CMTM4: variants seen among roughly 807,000 people sequenced by gnomAD.
The protein encoded by CMTM4 is CKLF-like MARVEL transmembrane domain-containing protein 4.
A neutral mutation model predicts 19.0 loss-of-function variants in CMTM4; 8 were observed. The ratio of observed to expected loss-of-function variants is 0.42; its 90% CI spans 0.25 to 0.76. The LOEUF (loss-of-function observed/expected upper bound fraction) is 0.76. Ranked by LOEUF, CMTM4 falls within the 30% of genes least tolerant of loss-of-function variation. The pLI is 0.27. For synonymous variants in CMTM4, 106 were observed against 121.1 expected (o/e 0.88, Z 0.82); for missense variants, 228 against 290.2 (o/e 0.79, Z 1.56).
At chr16:66,681,544 T>G (rs1044596782) in intron 1 of CMTM4, among the ~76,000 whole-genome samples, 2 of 152,160 alleles carry the variant, frequency 1.3e-5, no homozygotes, top group Non-Finnish European at 2.9e-5. Context: ...GACCTTGGGA[T>G]CCACCCGTCT....
chr16:66,602,940 T>C, the CMTM4 span, among the ~76,000 whole-genome samples: 3 of 152,344 alleles, frequency 2.0e-5, no homozygotes, highest in African/African-American at 7.2e-5. Flanking sequence ...TTGCAAACCA[T>C]ATATAATAGT....
chr16:66,690,284 C>G (rs1216106844), intron 1 of CMTM4, among the ~76,000 whole-genome samples: 1 of 152,154 alleles, frequency 6.6e-6, no homozygotes, highest in Non-Finnish European at 1.5e-5. Context: ...AACGCAGAAC[C>G]CTTCACGGTT....
At chr16:66,668,765 T>C (rs925495773) in intron 1 of CMTM4, among the ~76,000 whole-genome samples, 3 of 152,184 alleles carry the variant, frequency 2.0e-5, no homozygotes, top group Admixed American at 2.0e-4. Flanking sequence ...TTCTTTATAT[T>C]ATTCCTAATA....
At chr16:66,654,662 C>T (rs867408365) in intron 1 of CMTM4, among the ~76,000 whole-genome samples, 17 of 152,184 alleles carry the variant, frequency 1.1e-4, no homozygotes, top group Admixed American at 2.6e-4. Context: ...GGCCCTGGCC[C>T]GTGATCCCAG....
At chr16:66,689,413 GGTTTT>G (rs1262895341) in intron 1 of CMTM4, among the ~76,000 whole-genome samples, 8 of 152,034 alleles carry the variant, frequency 5.3e-5, no homozygotes, top group Non-Finnish European at 7.4e-5. Context: ...TGTGGCTTTG[GGTTTT>G]GTTTTGTTTT....
chr16:66,606,118 C>A, the CMTM4 span, among the ~76,000 whole-genome samples: 21 of 151,032 alleles, frequency 1.4e-4, no homozygotes, highest in South Asian at 1.1e-3. Flanking sequence ...TGTCAGGAAT[C>A]CAGGTCAGGG....
intron 1 of CMTM4, among the ~76,000 whole-genome samples, chr16:66,665,423 G>GA (rs1285245959): frequency 6.6e-6 from 1 of 151,658 alleles, no homozygotes; most frequent in Non-Finnish European, 1.5e-5. Context: ...TAATCCATGA[G>GA]AAAAAAAATG....
In CMTM4 at chr16:66,617,604, A is replaced by G. The variant is rs1162124120; in HGVS notation, c.*4454T>C. 2 of 1,241,960 alleles carry G rather than the reference A, an allele frequency of 1.6e-6. No homozygotes were observed. Among genetic ancestry groups the G allele is most frequent in the African/African-American group, 1.5e-5 (1 of 65,042 alleles). The allele number at this position is 1,241,960 out of a possible 1,614,324, so 76.9% of individuals were successfully genotyped here. A position where few individuals can be genotyped will look rare whatever the true frequency, so the allele number is the denominator to read the frequency against. On this transcript the variant is annotated 3_prime_UTR_variant, in exon 4 of 4. Transcript: ENST00000394106. ...ACAGTTTCTAAATAAAAGAAACATAAAAGGTCAAATATTTTAAATTACTTT... is the reference window on the plus strand; with the variant it reads ...ACAGTTTCTAAATAAAAGAAACATAGAAGGTCAAATATTTTAAATTACTTT...
At chr16:66,695,486 G>A (rs763355522) in intron 1 of CMTM4, among the ~76,000 whole-genome samples, 1 of 152,190 alleles carries the variant, frequency 6.6e-6, no homozygotes, top group Non-Finnish European at 1.5e-5. Flanking sequence ...ATTAGAGCAT[G>A]CCCACAACAG....
At chr16:66,672,108 T>C (rs1472569298) in intron 1 of CMTM4, among the ~76,000 whole-genome samples, 2 of 152,128 alleles carry the variant, frequency 1.3e-5, no homozygotes, top group African/African-American at 2.4e-5. Context: ...ATTGTAGTTT[T>C]TGTCATTAAA....
At chr16:66,609,728 C>T in the CMTM4 span, 2 of 1,561,100 alleles carry the variant, frequency 1.3e-6, no homozygotes, top group African/African-American at 1.4e-5. The surrounding 1 kb of genome is among the most constrained non-coding windows in gnomAD (Gnocchi z 4.4). Flanking sequence ...ACCAAGTTCA[C>T]AGCTCATTTT....
At chr16:66,648,913 A>G (rs2016256588) in intron 1 of CMTM4, among the ~76,000 whole-genome samples, 1 of 152,208 alleles carries the variant, frequency 6.6e-6, no homozygotes, top group African/African-American at 2.4e-5. Context: ...CAGAGGTTAC[A>G]GTGAGCCAAG....
chr16:66,620,921 C>T lies in CMTM4; in HGVS notation c.*1137G>A. ...ACTTTATCAAGAATCAATCAGAAAC[C>T]TTAAGTAGCTAGGATTTTTCCCCCC... On this transcript the variant is annotated 3_prime_UTR_variant, in exon 4 of 4. Transcript: ENST00000394106. 1.0e-6 allele frequency: 1 copy of T among 985,818 alleles called. No homozygotes were observed. Among genetic ancestry groups the T allele is most frequent in the Non-Finnish European group, 1.2e-6 (1 of 829,944 alleles). 61.1% of individuals were successfully genotyped at this position (985,818 alleles called of 1,614,324 possible).
intron 1 of CMTM4, among the ~76,000 whole-genome samples, chr16:66,674,736 T>TC (rs2016776352): frequency 7.1e-6 from 1 of 141,122 alleles, no homozygotes; most frequent in Non-Finnish European, 1.5e-5. Flanking sequence ...CATATTCTTT[T>TC]TTTTTTTTTT....
chr16:66,600,879 A>G, the CMTM4 span, among the ~76,000 whole-genome samples: 1 of 152,150 alleles, frequency 6.6e-6, no homozygotes, highest in Non-Finnish European at 1.5e-5. Context: ...ACTGAAGAAT[A>G]AGGAGGAGTT....
chr16:66,612,866 C>T (rs753668704), downstream of CMTM4: 3 of 610,140 alleles, frequency 4.9e-6, no homozygotes, highest in Admixed American at 2.8e-5. The surrounding 1 kb of genome is among the most constrained non-coding windows in gnomAD (Gnocchi z 6.0). Context: ...GGGTATCCCA[C>T]TCCTTCTCCC....
intron 1 of CMTM4, among the ~76,000 whole-genome samples, chr16:66,666,877 G>A (rs1457651245): frequency 2.0e-5 from 3 of 152,138 alleles, no homozygotes; most frequent in African/African-American, 4.8e-5. Context: ...AAACTCCTGT[G>A]GACATAAACA....
chr16:66,623,238 T>C (rs1038420393), intron 3 of CMTM4, among the ~76,000 whole-genome samples, 166 bp downstream of exon 3: 9 of 152,200 alleles, frequency 5.9e-5, no homozygotes, highest in Non-Finnish European at 1.0e-4. Flanking sequence ...GGGCCCATAC[T>C]TTGAGAACCA....
chr16:66,664,976 C>T (rs2016566161), intron 1 of CMTM4, among the ~76,000 whole-genome samples: 1 of 151,052 alleles, frequency 6.6e-6, no homozygotes, highest in Non-Finnish European at 1.5e-5. Flanking sequence ...GAGAGAGAGT[C>T]TCCCTCTGTA....
Sources: allele counts gnomAD v4.1 joint callset (sites outside exome capture counted in the v4.1 genomes callset), GRCh38; gene constraint gnomAD v4.1.1; non-coding constraint Gnocchi (gnomAD v3.1); transcripts MANE v1.5; gene names NCBI Gene and HGNC (gene_info 2026-07-23, HGNC 2026-07-21).